Variants in FOXP2 observed in about 807,000 individuals in gnomAD.
FOXP2 encodes forkhead box protein P2.
Under a neutral mutation model 115.8 loss-of-function variants are expected in FOXP2, and 12 were observed. The ratio of observed to expected loss-of-function variants is 0.10; its 90% CI spans 0.07 to 0.17. The LOEUF is 0.17. FOXP2 is among the 10% of genes least tolerant of loss of function. The pLI, the probability that FOXP2 is intolerant of heterozygous loss-of-function variation, is 1.00. For missense variants in FOXP2, 629 were observed against 843.5 expected, an observed-to-expected ratio of 0.75 and a Z score of 3.15; for synonymous variants, 328 against 297.7, an observed-to-expected ratio of 1.10 and a Z score of -1.05.
At chr7:114,498,979 T>C (rs1797446484) in intron 2 of FOXP2, 1 of 716,746 alleles carries the variant, frequency 1.4e-6, no homozygotes, top group African/African-American at 1.7e-5. Context: ...GTGTGAGTCC[T>C]GGACCAGCAG....
At chr7:114,606,589 TCTC>T (rs1803345339) in intron 3 of FOXP2, among the ~76,000 whole-genome samples, 1 of 152,178 alleles carries the variant, frequency 6.6e-6, no homozygotes. Flanking sequence ...CCTTTTGCCC[TCTC>T]CTCATTCTTT....
chr7:114,597,079 T>A (rs1258297954), intron 3 of FOXP2, among the ~76,000 whole-genome samples: 1 of 152,092 alleles, frequency 6.6e-6, no homozygotes, highest in Non-Finnish European at 1.5e-5. Context: ...CTCTTCTCAA[T>A]GCTCATTTTT....
At chr7:114,138,938 A>C (rs1334021849) in intron 1 of FOXP2, among the ~76,000 whole-genome samples, 1 of 152,198 alleles carries the variant, frequency 6.6e-6, no homozygotes, top group Non-Finnish European at 1.5e-5. Flanking sequence ...AACTTCAGTT[A>C]ATTTTTTTAA....
At chr7:114,674,146 A>G (rs1807638089) in intron 16 of FOXP2, among the ~76,000 whole-genome samples, 1 of 152,248 alleles carries the variant, frequency 6.6e-6, no homozygotes, top group Non-Finnish European at 1.5e-5. Context: ...ATCTGAAAAT[A>G]ATATTCCTTT....
intron 8 of FOXP2, among the ~76,000 whole-genome samples, chr7:114,647,673 T>G (rs560333343): frequency 4.7e-4 from 72 of 152,112 alleles, no homozygotes; most frequent in African/African-American, 1.7e-3. Flanking sequence ...CTAAAAGCAT[T>G]TAATACTAGT....
chr7:114,405,468 G>A (rs890135117), intron 2 of FOXP2, among the ~76,000 whole-genome samples: 2 of 151,748 alleles, frequency 1.3e-5, no homozygotes, highest in Non-Finnish European at 3.0e-5. Flanking sequence ...TATTATTAGT[G>A]CTAATTTTGC....
intron 16 of FOXP2, among the ~76,000 whole-genome samples, chr7:114,683,230 T>G (rs1415681667): frequency 6.6e-6 from 1 of 152,242 alleles, no homozygotes; most frequent in African/African-American, 2.4e-5. Flanking sequence ...ACGTAATTTA[T>G]TCACTCAACA....
chr7:114,211,043 T>G (rs1794333229), intron 1 of FOXP2, among the ~76,000 whole-genome samples: 1 of 152,150 alleles, frequency 6.6e-6, no homozygotes, highest in Non-Finnish European at 1.5e-5. Context: ...TGGCCACTCC[T>G]CCCTCTGGGA....
chr7:114,321,410 G>T (rs1211005991), intron 2 of FOXP2, among the ~76,000 whole-genome samples: 1 of 151,996 alleles, frequency 6.6e-6, no homozygotes, highest in Non-Finnish European at 1.5e-5. Context: ...GTGTTAGCCA[G>T]GATGGTCTTT....
chr7:114,465,684 A>G (rs185666830), intron 2 of FOXP2, among the ~76,000 whole-genome samples: 12 of 152,346 alleles, frequency 7.9e-5, no homozygotes, highest in Admixed American at 1.3e-4. Context: ...TAGCCCAAAG[A>G]TAACAGCCTA....
At chr7:114,142,832 G>T (rs1792258391) in intron 1 of FOXP2, among the ~76,000 whole-genome samples, 1 of 151,548 alleles carries the variant, frequency 6.6e-6, no homozygotes, top group Admixed American at 6.6e-5. Flanking sequence ...TGAGAACACA[G>T]CATTTTGAAA....
At chr7:114,248,041 G>A in intron 1 of FOXP2, among the ~76,000 whole-genome samples, 1 of 152,072 alleles carries the variant, frequency 6.6e-6, no homozygotes, top group East Asian at 1.9e-4. Context: ...AAACATCCAA[G>A]ATCTGTTGAT....
chr7:114,490,209 A>G (rs969826731), intron 2 of FOXP2, among the ~76,000 whole-genome samples: 4 of 152,176 alleles, frequency 2.6e-5, no homozygotes, highest in African/African-American at 4.8e-5. Context: ...TGTGGCATAT[A>G]TAGACAATGG....
chr7:114,439,431 G>C (rs1315333381), intron 2 of FOXP2, among the ~76,000 whole-genome samples: 3 of 151,980 alleles, frequency 2.0e-5, no homozygotes, highest in Admixed American at 2.0e-4. Flanking sequence ...GACATCTCTA[G>C]TTGATTAATC....
intron 10 of FOXP2, chr7:114,654,277 G>A (rs1000375402): frequency 1.4e-6 from 1 of 715,788 alleles, no homozygotes; most frequent in South Asian, 1.9e-5. Flanking sequence ...TGAAGCCAGA[G>A]AGAATTTCTT....
intron 2 of FOXP2, among the ~76,000 whole-genome samples, chr7:114,452,769 G>C (rs982958890): frequency 1.2e-4 from 18 of 151,998 alleles, no homozygotes; most frequent in African/African-American, 4.3e-4. Context: ...ACTGAATATG[G>C]GGAGCTTTTA....
chr7:114,169,386 A>T (rs1793075748), intron 1 of FOXP2, among the ~76,000 whole-genome samples: 1 of 152,152 alleles, frequency 6.6e-6, no homozygotes, highest in Non-Finnish European at 1.5e-5. Context: ...GTTAAAGGAG[A>T]TCATTTTGGA....
intron 1 of FOXP2, among the ~76,000 whole-genome samples, chr7:114,223,588 A>G (rs1417418354): frequency 6.7e-6 from 1 of 149,066 alleles, no homozygotes; most frequent in Non-Finnish European, 1.5e-5. Context: ...TTATGGGTGT[A>G]TATAGTGAAT....
intron 1 of FOXP2, among the ~76,000 whole-genome samples, chr7:114,088,863 G>C (rs1296466191): frequency 6.6e-6 from 1 of 152,108 alleles, no homozygotes; most frequent in Non-Finnish European, 1.5e-5. Flanking sequence ...TATATTAAAA[G>C]AGTGGGTATA....
Sources: allele counts gnomAD v4.1 joint callset (sites outside exome capture counted in the v4.1 genomes callset), GRCh38; gene constraint gnomAD v4.1.1; transcripts MANE v1.5; gene names NCBI Gene and HGNC (gene_info 2026-07-23, HGNC 2026-07-21).